The following PRICKLE2 variants were observed in gnomAD, a reference collection of about 807,000 sequenced individuals.
The protein encoded by PRICKLE2 is prickle-like protein 2.
In PRICKLE2, 21 loss-of-function variants were observed where a neutral mutation model predicts 81.4. That is an observed-to-expected ratio of 0.26 (90% confidence interval 0.18 to 0.37). The LOEUF (loss-of-function observed/expected upper bound fraction) is 0.37, where lower values mean the gene tolerates loss of function less well. PRICKLE2 is among the 10% of genes least tolerant of loss of function. PRICKLE2 has a pLI of 1.00. For synonymous variants in PRICKLE2, 456 were observed against 421.5 expected (o/e 1.08, Z -1.00); for missense variants, 940 against 1,109.0 (o/e 0.85, Z 2.16).
chr3:64,111,909 T>C (rs1420251943), intron 7 of PRICKLE2, among the ~76,000 whole-genome samples: 2 of 152,190 alleles, frequency 1.3e-5, no homozygotes, highest in Admixed American at 6.5e-5. Flanking sequence ...GTTATACAGC[T>C]ATATAATGTT....
intron 6 of PRICKLE2, 47 bp downstream of exon 6, chr3:64,153,135 T>A (rs775229307): frequency 1.9e-6 from 3 of 1,551,178 alleles, no homozygotes; most frequent in Non-Finnish European, 2.7e-6. Context: ...AAAACAAAGG[T>A]GACCGCATCA....
chr3:64,147,103 T>C lies in PRICKLE2; in HGVS notation c.1387A>G (p.Ser463Gly). Residue 463 changes from serine to glycine, a missense_variant, in exon 7 of 8, where the codon AGC becomes GGC. This residue lies in a region of PRICKLE2 where 670 missense variants were observed against 717.2 expected (regional missense o/e 0.93). Coordinates refer to ENST00000638394, the MANE Select transcript of PRICKLE2 (RefSeq NM_198859.4). The surrounding 1 kb of genome is among the most constrained non-coding windows in gnomAD (Gnocchi z 5.0). ...SSLAMTGHAG[S>G]FIKECREDYY... is the part of the protein sequence containing the mutation. ...TCTTCTCGGCATTCCTTGATGAAGC[T>C]GCCAGCATGTCCTGTCATGGCCAGT... The C allele has an allele frequency of 6.2e-7, 1 of 1,614,196 alleles. No homozygotes were observed. The highest frequency in any genetic ancestry group is 8.5e-7 in the Non-Finnish European group (1 of 1,180,044).
chr3:64,139,259 G>A (rs573945055), intron 7 of PRICKLE2, among the ~76,000 whole-genome samples: 3 of 152,298 alleles, frequency 2.0e-5, no homozygotes, highest in Admixed American at 1.3e-4. Flanking sequence ...TTCCTGCTCC[G>A]TGTCTCCACT....
rs1373705924 is a variant in PRICKLE2 at position 64,243,942 on chromosome 3, AC to A, written c.129-44976del. On this transcript the variant is annotated intron_variant, in intron 2 of 8. Coordinates refer to the PRICKLE2 transcript ENST00000295902. ...GAGCCTCCTAGTATGTTATTTCTGT[AC>A]TACCCATGCTCTTTCATGTCATAAT... Among the ~76,000 whole-genome samples the A allele has an allele frequency of 5.3e-5, 8 of 152,294 alleles. No individual in the cohort carries two copies. In the East Asian group the frequency reaches 1.5e-3, roughly 29 times the overall value.
Position 64,146,879 on chromosome 3 carries a change from C to T in PRICKLE2, c.1611G>A (p.Glu537=), listed in dbSNP as rs200897173. The T allele has an allele frequency of 6.2e-7, 1 of 1,614,172 alleles. No homozygotes were observed. Among genetic ancestry groups the T allele is most frequent in the Non-Finnish European group, 8.5e-7 (1 of 1,180,028 alleles). ...ATTCCATGGAGCCCCGAGGGGTCTG[C>T]TCTGTGGGCGTCATGTCCTCTGTGT... ...LKYTEDMTPT[E]QTPRGSMESL... The change falls in exon 7 of 8, where the codon GAG becomes GAA. Residue 537 remains glutamate, a synonymous_variant. Transcript: ENST00000638394.
Position 64,099,153 on chromosome 3 carries a change from G to C in PRICKLE2, c.2433C>G (p.His811Gln), listed in dbSNP as rs113542442. Reference protein sequence around the residue: ...LRYVTSDELLHKYSSYGLPKS... With the variant: ...LRYVTSDELLQKYSSYGLPKS... ...TGGGGAGGCCGTAGGAGCTGTATTT[G>C]TGCAGCAGCTCATCGCTTGTGACGT... is the stretch of plus-strand genomic sequence containing the variant. Residue 811 changes from histidine (H) to glutamine (Q), a missense_variant, in exon 8 of 8, where the codon CAC becomes CAG. Physicochemically the swap from His to Gln is conservative, Grantham distance 24. This residue lies in a region of PRICKLE2 where 670 missense variants were observed against 717.2 expected (regional missense o/e 0.93). Coordinates refer to ENST00000638394, the MANE Select transcript of PRICKLE2 (RefSeq NM_198859.4). The surrounding 1 kb of genome is among the most constrained non-coding windows in gnomAD (Gnocchi z 4.3). The C allele has an allele frequency of 7.4e-5, 120 of 1,614,088 alleles. 1 individual carries two copies. The African/African-American group carries it at 1.2e-3, about 16-fold the overall frequency.
At chr3:64,247,481 C>T (rs1227676948) in intron 2 of PRICKLE2, among the ~76,000 whole-genome samples, 1 of 152,094 alleles carries the variant, frequency 6.6e-6, no homozygotes, top group Non-Finnish European at 1.5e-5. Flanking sequence ...ATCTTTTTGT[C>T]TTACATCATA....
chr3:64,110,879 G>A (rs983037217), intron 7 of PRICKLE2, among the ~76,000 whole-genome samples: 5 of 144,360 alleles, frequency 3.5e-5, no homozygotes, highest in African/African-American at 7.7e-5. Context: ...GGAGAATGGC[G>A]TGAATCCAGG....
At chr3:64,179,356 G>A (rs1018176022) in intron 2 of PRICKLE2, among the ~76,000 whole-genome samples, 17 of 152,236 alleles carry the variant, frequency 1.1e-4, no homozygotes, top group African/African-American at 4.1e-4. Context: ...GATTACAAGT[G>A]TGAGCCACCG....
chr3:64,258,153 T>C (rs1372138591), intron 2 of PRICKLE2, among the ~76,000 whole-genome samples: 2 of 151,770 alleles, frequency 1.3e-5, no homozygotes, highest in African/African-American at 4.8e-5. Context: ...TAAGAAACTG[T>C]CATGTTGCAA....
chr3:64,258,885 G>T (rs138210581), intron 2 of PRICKLE2, among the ~76,000 whole-genome samples: 248 of 141,790 alleles, frequency 1.7e-3, no homozygotes, highest in Non-Finnish European at 2.0e-3. Flanking sequence ...AAGAAAGAAA[G>T]AAAGAAAGAA....
chr3:64,166,707 A>G (rs1306361084), intron 2 of PRICKLE2, among the ~76,000 whole-genome samples: 1 of 152,226 alleles, frequency 6.6e-6, no homozygotes, highest in Non-Finnish European at 1.5e-5. Flanking sequence ...CCCCATTTCT[A>G]AAATAAATAA....
At chr3:64,207,914 C>G (rs927075786) in intron 1 of PRICKLE2, among the ~76,000 whole-genome samples, 1 of 152,012 alleles carries the variant, frequency 6.6e-6, no homozygotes, top group African/African-American at 2.4e-5. Context: ...TATAATAGAT[C>G]TCTGGGAAAG....
rs957305858 is a variant in PRICKLE2 at position 64,093,812 on chromosome 3, C to T, written c.*5239G>A. The T allele has an allele frequency of 5.9e-5, 9 of 152,222 alleles. No homozygotes were observed. The highest frequency in any genetic ancestry group is 1.3e-4 in the Admixed American group (2 of 15,286). The allele number at this position is 152,222 out of a possible 1,614,324, so 9.4% of individuals were successfully genotyped here. On this transcript the variant is annotated 3_prime_UTR_variant, in exon 8 of 8. Transcript: ENST00000638394. The stretch of plus-strand genomic sequence containing the variant: ...TTTTCTTTGTTGAAATGCTCAAAGG[C>T]AGAGACCACCCCTAAAATCTGGAAA...
At chr3:64,104,296 T>A (rs1559509588) in intron 7 of PRICKLE2, among the ~76,000 whole-genome samples, 1 of 152,214 alleles carries the variant, frequency 6.6e-6, no homozygotes, top group East Asian at 1.9e-4. Flanking sequence ...ATGAGTGGTT[T>A]GAGTGGATGA....
chr3:64,141,754 A>G, intron 7 of PRICKLE2: 6 of 971,824 alleles, frequency 6.2e-6, no homozygotes, highest in Non-Finnish European at 7.3e-6. Context: ...GTTTTTTCAG[A>G]TCTGTTCTGA....
intron 2 of PRICKLE2, among the ~76,000 whole-genome samples, chr3:64,251,669 G>C (rs1559604664): frequency 6.6e-6 from 1 of 152,178 alleles, no homozygotes; most frequent in Non-Finnish European, 1.5e-5. Flanking sequence ...TTTGGGGCTA[G>C]CTCACACCTA....
chr3:64,101,716 AGAAG>A (rs1443287419), intron 7 of PRICKLE2: 1 of 152,274 alleles, frequency 6.6e-6, no homozygotes, highest in East Asian at 1.9e-4. Flanking sequence ...TAAGTTCACA[AGAAG>A]GAAGGGGGTG....
At chr3:64,100,164 T>C in intron 7 of PRICKLE2, 1 of 557,222 alleles carries the variant, frequency 1.8e-6, no homozygotes, top group South Asian at 2.2e-5. Flanking sequence ...TTTTACCAGT[T>C]ACTAGTTCCT....
Sources: allele counts gnomAD v4.1 joint callset (sites outside exome capture counted in the v4.1 genomes callset), GRCh38; gene constraint gnomAD v4.1.1; regional missense constraint gnomAD v4.1.1; non-coding constraint Gnocchi (gnomAD v3.1); transcripts MANE v1.5; gene names NCBI Gene and HGNC (gene_info 2026-07-23, HGNC 2026-07-21).